The following LPCAT1 variants were observed in gnomAD, a reference collection of about 807,000 sequenced individuals.
LPCAT1 encodes the protein lysophosphatidylcholine acyltransferase 1.
LPCAT1 carries 23 observed loss-of-function variants against 60.9 expected under a neutral mutation model. The observed-to-expected ratio is 0.38, with a 90% CI of 0.27 to 0.53. The LOEUF (loss-of-function observed/expected upper bound fraction) is 0.53. Ranked by LOEUF, LPCAT1 falls within the 20% of genes least tolerant of loss-of-function variation. The pLI, the probability that LPCAT1 is intolerant of heterozygous loss-of-function variation, is 0.82. For synonymous variants in LPCAT1, 340 were observed against 301.1 expected (o/e 1.13, Z -1.34); for missense variants, 622 against 723.6 (o/e 0.86, Z 1.61).
chr5:1,507,982 G>A (rs892670518), intron 1 of LPCAT1, among the ~76,000 whole-genome samples: 7 of 152,204 alleles, frequency 4.6e-5, no homozygotes, highest in Non-Finnish European at 7.3e-5. Flanking sequence ...TGATCCACAC[G>A]CACCAGAGGC....
Position 1,521,734 on chromosome 5 carries a change from G to A in LPCAT1, c.135+1976C>T, listed in dbSNP as rs894134343. Among the ~76,000 whole-genome samples the A allele has an allele frequency of 3.3e-5, 5 of 152,078 alleles. No homozygotes were observed. Among genetic ancestry groups the A allele is most frequent in the African/African-American group, 1.2e-4 (5 of 41,402 alleles). On this transcript the variant is annotated intron_variant, in intron 1 of 13. Coordinates refer to ENST00000283415, the MANE Select transcript of LPCAT1 (RefSeq NM_024830.5). The surrounding 1 kb of genome is among the most constrained non-coding windows in gnomAD (Gnocchi z 4.3). ...CAAGCCAGGATCTCTGCCTGGCTTCGGCCCAAGGGAGAACAGCTGCCCAAA... is the reference window on the plus strand; with the variant it reads ...CAAGCCAGGATCTCTGCCTGGCTTCAGCCCAAGGGAGAACAGCTGCCCAAA...
intron 6 of LPCAT1, among the ~76,000 whole-genome samples, chr5:1,482,863 G>A (rs1210840009): frequency 2.0e-5 from 3 of 152,102 alleles, no homozygotes; most frequent in African/African-American, 4.8e-5. Flanking sequence ...TACCACCTTC[G>A]CCCCAGGAGC....
At chr5:1,499,581 A>C (rs572277638) in intron 2 of LPCAT1, among the ~76,000 whole-genome samples, 22 of 152,234 alleles carry the variant, frequency 1.4e-4, no homozygotes, top group Non-Finnish European at 2.2e-4. Flanking sequence ...GAATTTTAAA[A>C]ATCTAGAAAG....
At chr5:1,472,998 T>G (rs2962065) in intron 11 of LPCAT1, among the ~76,000 whole-genome samples, 50,871 of 151,794 alleles carry the variant, frequency 0.34, 10,509 homozygotes, top group African/African-American at 0.56. Flanking sequence ...CTTCTCTTGC[T>G]CTCTCCAACC....
chr5:1,501,651 G>A (rs1560985097), intron 1 of LPCAT1, 48 bp from the exon 2 acceptor site: 1 of 1,597,740 alleles, frequency 6.3e-7, no homozygotes, highest in Non-Finnish European at 8.6e-7. Flanking sequence ...TAGGACACCA[G>A]GCAGCTCCCC....
intron 1 of LPCAT1, among the ~76,000 whole-genome samples, chr5:1,512,055 C>T (rs920119018): frequency 2.0e-5 from 3 of 152,214 alleles, no homozygotes; most frequent in African/African-American, 4.8e-5. Flanking sequence ...CCTGGGCAGC[C>T]CCACATCACC....
Position 1,501,427 on chromosome 5 carries a change from C to T in LPCAT1, c.278+34G>A, listed in dbSNP as rs1979397. ...CCACTGTTTGGCCGCGTGACCCCCC[C>T]CCAGGAGGAGAGCACGGCACACGCG... is the stretch of plus-strand genomic sequence containing the variant. On this transcript the variant is annotated intron_variant, in intron 2 of 13. Coordinates refer to ENST00000283415, the MANE Select transcript of LPCAT1 (RefSeq NM_024830.5). The T allele has an allele frequency of 9.5e-6, 15 of 1,580,166 alleles. No homozygotes were observed. In the Admixed American group the frequency reaches 2.4e-4, roughly 25 times the overall value.
chr5:1,499,310 G>A (rs560779378), intron 2 of LPCAT1, among the ~76,000 whole-genome samples: 2 of 152,160 alleles, frequency 1.3e-5, no homozygotes, highest in South Asian at 4.1e-4. Context: ...GGCCCAACAA[G>A]GACATGGGGA....
intron 13 of LPCAT1, among the ~76,000 whole-genome samples, chr5:1,465,688 GCACATGCACGCACACACACAACA>G (rs1213466481): frequency 2.0e-5 from 3 of 150,738 alleles, no homozygotes; most frequent in Non-Finnish European, 4.4e-5. Flanking sequence ...AAACAAGCAT[GCACATGCACGCACACACACAACA>G]CACATGCACG....
chr5:1,465,536 G>A (rs978677276), intron 13 of LPCAT1, among the ~76,000 whole-genome samples: 13 of 145,274 alleles, frequency 8.9e-5, no homozygotes, highest in East Asian at 4.2e-4. Context: ...ACAAGCACAC[G>A]CACACAGCAA....
rs905468227 is a variant in LPCAT1, at chr5:1,481,509, G to A, written c.727-533C>T. ...CTTCAGCCTCAGTGCCGCCGGGCAG[G>A]GACCACACAGCAGGGGCCGTGACGG... On this transcript the variant is annotated intron_variant, in intron 6 of 13. Transcript: ENST00000283415. The surrounding 1 kb of genome is among the most constrained non-coding windows in gnomAD (Gnocchi z 7.8). 6.6e-6 allele frequency among the ~76,000 whole-genome samples: 1 copy of A among 152,238 alleles called. No homozygotes were observed.
At chr5:1,474,982 G>C (rs1238661627) in intron 9 of LPCAT1, among the ~76,000 whole-genome samples, 3 of 152,218 alleles carry the variant, frequency 2.0e-5, no homozygotes, top group Non-Finnish European at 4.4e-5. Context: ...GTGGAGACAC[G>C]AAGTGAGCTC....
chr5:1,481,685 C>T lies in LPCAT1; in HGVS notation c.727-709G>A, dbSNP rs986807900. Among the ~76,000 whole-genome samples the T allele has an allele frequency of 6.6e-6, 1 of 152,272 alleles. No homozygotes were observed. The highest frequency in any genetic ancestry group is 2.4e-5 in the African/African-American group (1 of 41,476). ...GGAAAATCTAGATGACTGCACAGAT[C>T]GGAGTCTGTTGTCCTCGGGTTGACT... is the stretch of plus-strand genomic sequence containing the variant. On this transcript the variant is annotated intron_variant, in intron 6 of 13. Transcript: ENST00000283415. The surrounding 1 kb of genome is among the most constrained non-coding windows in gnomAD (Gnocchi z 7.8).
At chr5:1,488,502 A>C (rs1338507480) in intron 4 of LPCAT1, 51 bp from the exon 5 acceptor site, 2 of 1,253,276 alleles carry the variant, frequency 1.6e-6, no homozygotes, top group African/African-American at 3.0e-5. Context: ...CATAATTATA[A>C]TTCAGAACTT....
intron 3 of LPCAT1, among the ~76,000 whole-genome samples, chr5:1,492,045 A>AGGGAGATGTCTCTGAGCTGGGACCAT (rs1560975380): frequency 7.1e-6 from 1 of 141,838 alleles, no homozygotes; most frequent in Admixed American, 6.9e-5. Flanking sequence ...GCTGGAAACC[A>AGGGAGATGTCTCTGAGCTGGGACCAT]GGGAGATGTC....
chr5:1,470,273 C>A (rs1401169804), intron 12 of LPCAT1, among the ~76,000 whole-genome samples: 5 of 152,248 alleles, frequency 3.3e-5, no homozygotes, highest in African/African-American at 1.2e-4. Context: ...TACCTGGCCT[C>A]CCGCCCTCCA....
chr5:1,479,243 A>G (rs537375208), intron 8 of LPCAT1, among the ~76,000 whole-genome samples: 1 of 152,278 alleles, frequency 6.6e-6, no homozygotes, highest in Non-Finnish European at 1.5e-5. Context: ...AAAATTAGCT[A>G]GGCATGGCGT....
At chr5:1,493,603 G>T (rs879405289) in intron 3 of LPCAT1, among the ~76,000 whole-genome samples, 1 of 152,248 alleles carries the variant, frequency 6.6e-6, no homozygotes, top group African/African-American at 2.4e-5. Flanking sequence ...GCCCCAGAAC[G>T]TGCTGTGCTG....
At chr5:1,517,682 A>G (rs1736545606) in intron 1 of LPCAT1, among the ~76,000 whole-genome samples, 1 of 152,222 alleles carries the variant, frequency 6.6e-6, no homozygotes, top group Non-Finnish European at 1.5e-5. Flanking sequence ...ACTGCAAAAA[A>G]AAAAGCCAAT....
Sources: allele counts gnomAD v4.1 joint callset (sites outside exome capture counted in the v4.1 genomes callset), GRCh38; gene constraint gnomAD v4.1.1; non-coding constraint Gnocchi (gnomAD v3.1); transcripts MANE v1.5; gene names NCBI Gene and HGNC (gene_info 2026-07-23, HGNC 2026-07-21).